The following NUP133 variants were observed in gnomAD, a reference collection of about 807,000 sequenced individuals.
NUP133 encodes nuclear pore complex protein Nup133.
In NUP133, 66 loss-of-function variants were observed where a neutral mutation model predicts 146.2. The observed-to-expected ratio is 0.45, with a 90% CI of 0.37 to 0.55. The LOEUF (loss-of-function observed/expected upper bound fraction) is 0.55. Ranked by LOEUF, NUP133 falls within the 20% of genes least tolerant of loss-of-function variation. The pLI is 0.00. For missense variants in NUP133, 1,277 were observed against 1,374.8 expected (o/e 0.93, Z 1.12); for synonymous variants, 521 against 498.8 (o/e 1.04, Z -0.59).
At chr1:229,498,454 T>C (rs568046872) in intron 5 of NUP133, 148 bp from the exon 6 acceptor site, 2 of 573,266 alleles carry the variant, frequency 3.5e-6, no homozygotes, top group African/African-American at 3.9e-5. Flanking sequence ...TAAAGTAATA[T>C]ATTTCAGAAT....
intron 24 of NUP133, among the ~76,000 whole-genome samples, chr1:229,445,229 C>T (rs1431452589): frequency 6.6e-6 from 1 of 151,922 alleles, no homozygotes; most frequent in Non-Finnish European, 1.5e-5. Context: ...GCAAGAGACG[C>T]CAAGGAAAAC....
intron 18 of NUP133, among the ~76,000 whole-genome samples, chr1:229,464,251 C>G (rs1660759719): frequency 6.6e-6 from 1 of 152,196 alleles, no homozygotes. Context: ...CCAGTCCTAG[C>G]CTGGAGTATA....
At chr1:229,444,845 T>TA in intron 25 of NUP133, 69 bp downstream of exon 25, 1 of 971,416 alleles carries the variant, frequency 1.0e-6, no homozygotes, top group Non-Finnish European at 1.6e-6. Context: ...AGACTCCGTC[T>TA]CAAAAAAAAA....
In NUP133 at chr1:229,477,658, A is replaced by G. The variant is rs139058237; in HGVS notation, c.1695T>C (p.Ser565=). Residue 565 remains serine (S), a synonymous_variant, in exon 13 of 26, where the codon AGT becomes AGC. Coordinates refer to ENST00000261396, the MANE Select transcript of NUP133 (RefSeq NM_018230.3). ...SELDRAVTQI[S]VDLMDDYPAS... is the part of the protein sequence containing the mutation. ...CTGGGTAGTCATCCATCAGGTCTACACTGATTTGGGTAACTGCCCTGTCTA... is the reference window on the plus strand; with the variant it reads ...CTGGGTAGTCATCCATCAGGTCTACGCTGATTTGGGTAACTGCCCTGTCTA... The G allele has an allele frequency of 3.7e-5, 60 of 1,613,982 alleles. No homozygotes were observed. In the African/African-American group the frequency reaches 5.2e-4, roughly 14 times the overall value.
intron 15 of NUP133, 33 bp from the exon 16 acceptor site, chr1:229,466,789 A>T: frequency 3.1e-6 from 5 of 1,611,190 alleles, no homozygotes; most frequent in Non-Finnish European, 4.2e-6. Context: ...ACTACTTACA[A>T]CAAAAATTAT....
intron 16 of NUP133, 68 bp from the exon 17 acceptor site, chr1:229,465,587 T>C: frequency 8.3e-7 from 1 of 1,201,342 alleles, no homozygotes; most frequent in Non-Finnish European, 1.2e-6. Flanking sequence ...GAAGATAATT[T>C]AAGACAGCAA....
chr1:229,450,774 G>A (rs1278739004), intron 22 of NUP133, 169 bp from the exon 23 acceptor site: 2 of 362,426 alleles, frequency 5.5e-6, no homozygotes, highest in Non-Finnish European at 5.0e-6. Flanking sequence ...CACCCAGGCT[G>A]GATTGCAGTG....
chr1:229,496,038 C>A lies in NUP133; in HGVS notation c.829G>T (p.Val277Phe), dbSNP rs748688957. The change falls in exon 7 of 26, where the codon GTT becomes TTT. Residue 277 changes from valine to phenylalanine, a missense_variant. By Grantham distance (50) the Val-to-Phe change is conservative. Transcript: ENST00000261396. ...CTTGATCTCTCTCTATCCCAGAGAA[C>A]ACTTGAAAGCTATTCAGAAAAGAAA... Reference protein sequence around the residue: ...SPSSDLTLSSVLWDRERSSFY... With the variant: ...SPSSDLTLSSFLWDRERSSFY... 1.3e-6 allele frequency: 2 copies of A among 1,569,892 alleles called. No individual in the cohort carries two copies. The highest frequency in any genetic ancestry group is 1.7e-6 in the Non-Finnish European group (2 of 1,164,228).
intron 16 of NUP133, among the ~76,000 whole-genome samples, chr1:229,465,869 C>A (rs73114359): frequency 0.034 from 3,880 of 114,348 alleles, 148 homozygotes; most frequent in African/African-American, 0.11. Context: ...CCAGCCTGGG[C>A]AATGGAGTGA....
At chr1:229,478,859 C>T (rs979342767) in intron 12 of NUP133, among the ~76,000 whole-genome samples, 1 of 152,140 alleles carries the variant, frequency 6.6e-6, no homozygotes, top group African/African-American at 2.4e-5. Context: ...CAAAAGATTG[C>T]TCTATCATAT....
chr1:229,495,583 T>C lies in NUP133; in HGVS notation c.976-18A>G, dbSNP rs1325678995. 2.0e-6 allele frequency: 3 copies of C among 1,533,716 alleles called. No homozygotes were observed. The highest frequency in any genetic ancestry group is 1.7e-5 in the Admixed American group (1 of 59,670). On this transcript the variant is annotated intron_variant, in intron 7 of 25. Coordinates refer to ENST00000261396, the MANE Select transcript of NUP133 (RefSeq NM_018230.3). ...TCAGATCCCTACATGAAAATATCAA[T>C]AATGTAAGCTTCTCAAGTGCAGGAA...
chr1:229,464,018 G>A (rs547661606), intron 18 of NUP133, among the ~76,000 whole-genome samples: 14 of 152,048 alleles, frequency 9.2e-5, no homozygotes, highest in Non-Finnish European at 1.6e-4. Context: ...GGTGGCACAC[G>A]CCTGTAATCC....
chr1:229,470,157 C>T (rs1470417874), intron 15 of NUP133, among the ~76,000 whole-genome samples: 1 of 151,534 alleles, frequency 6.6e-6, no homozygotes, highest in East Asian at 1.9e-4. Context: ...AGGAGTTCGA[C>T]ATCAAACCCC....
Position 229,498,672 on chromosome 1 carries a change from C to G in NUP133, c.649-366G>C, listed in dbSNP as rs192936281. Reference sequence around the variant, plus strand: ...TTGGGAGGCAGAGGCACAAGAATTGCTTGAACCCAGGAGGCAGAGGTTGCA... The same window carrying G: ...TTGGGAGGCAGAGGCACAAGAATTGGTTGAACCCAGGAGGCAGAGGTTGCA... On this transcript the variant is annotated intron_variant, in intron 5 of 25. Transcript: ENST00000261396. Among the ~76,000 whole-genome samples the G allele has an allele frequency of 6.4e-4, 97 of 151,448 alleles. 1 individual carries two copies. Among genetic ancestry groups the G allele is most frequent in the Non-Finnish European group, 1.1e-3 (78 of 67,914 alleles).
In NUP133 at chr1:229,486,499, C is replaced by T. The variant is rs1325392291; in HGVS notation, c.1372G>A (p.Gly458Ser). ...CTAGAAAAAATGATAGGAACACCAC[C>T]ACAGGCACCAGCACCTAAAACACTA... ...GDSVLGAGAC[G>S]GVPIIFSRNS... The change falls in exon 11 of 26, where the codon GGT becomes AGT. Residue 458 changes from glycine (G) to serine (S), a missense_variant. Gly to Ser is a moderately conservative substitution (Grantham distance 56). Around this residue, in one of 3 missense-constraint regions of NUP133, gnomAD observed 952 missense variants for 1,047.0 expected, o/e 0.91. Coordinates refer to ENST00000261396, the MANE Select transcript of NUP133 (RefSeq NM_018230.3). 6.2e-7 allele frequency: 1 copy of T among 1,609,716 alleles called. No individual in the cohort carries two copies. The highest frequency in any genetic ancestry group is 2.2e-5 in the East Asian group (1 of 44,736).
chr1:229,495,753 T>C (rs1427067419), intron 7 of NUP133, 139 bp downstream of exon 7: 9 of 930,032 alleles, frequency 9.7e-6, no homozygotes, highest in Non-Finnish European at 1.4e-5. Flanking sequence ...GACTAACCCA[T>C]TTCCACTTAA....
At position 229,506,169 on chromosome 1, in the gene NUP133, GA is replaced by G; in HGVS notation, c.183-12del. 1 of 1,482,912 alleles carries G rather than the reference GA, an allele frequency of 6.7e-7. No homozygotes were observed. Among genetic ancestry groups the G allele is most frequent in the Non-Finnish European group, 9.4e-7 (1 of 1,064,392 alleles). The allele number at this position is 1,482,912 out of a possible 1,614,324, so 91.9% of individuals were successfully genotyped here. A position where few individuals can be genotyped will look rare whatever the true frequency, so the allele number is the denominator to read the frequency against. Reference sequence around the variant, plus strand: ...CGTGTTGGTGTTCCCCTAAAGAAAAGAGTCTATATTACCTTACTTGTAACTT... The same window carrying G: ...CGTGTTGGTGTTCCCCTAAAGAAAAGGTCTATATTACCTTACTTGTAACTT... On this transcript the variant is annotated splice_polypyrimidine_tract_variant and intron_variant, in intron 1 of 25. Transcript: ENST00000261396.
Position 229,440,792 on chromosome 1 carries a change from A to T in NUP133, c.*1112T>A, listed in dbSNP as rs1333978915. 1 of 152,430 alleles carries T rather than the reference A, an allele frequency of 6.6e-6. No homozygotes were observed. Among genetic ancestry groups the T allele is most frequent in the Non-Finnish European group, 1.5e-5 (1 of 68,188 alleles). 9.4% of individuals were successfully genotyped at this position (152,430 alleles called of 1,614,324 possible). On this transcript the variant is annotated 3_prime_UTR_variant, in exon 26 of 26. Coordinates refer to ENST00000261396, the MANE Select transcript of NUP133 (RefSeq NM_018230.3). ...TGCTAATTTCTTCCCTTTGATTTAC[A>T]AACAGCTCCATTAACCTGCTCTTCC...
intron 12 of NUP133, among the ~76,000 whole-genome samples, chr1:229,479,044 C>T (rs1275073553): frequency 6.6e-6 from 1 of 152,214 alleles, no homozygotes; most frequent in Non-Finnish European, 1.5e-5. Context: ...CTGCAGTCAA[C>T]TGCAGTCTGA....
Sources: gnomAD v4.1 joint callset for allele counts (sites outside exome capture counted in the v4.1 genomes callset) on GRCh38, gnomAD v4.1.1 for gene constraint, gnomAD v4.1.1 regional missense constraint, MANE v1.5 for transcripts, NCBI Gene and HGNC (gene_info 2026-07-23, HGNC 2026-07-21) for gene names.